The following BARD1 variants were observed in gnomAD, a reference collection of about 807,000 sequenced individuals.
BARD1 encodes the protein BRCA1-associated RING domain protein 1.
BARD1 carries 73 observed loss-of-function variants against 77.0 expected under a neutral mutation model. The observed-to-expected ratio is 0.95, with a 90% CI of 0.79 to 1.15. The LOEUF (loss-of-function observed/expected upper bound fraction) is 1.15, where lower values mean the gene tolerates loss of function less well. Among genes scored for constraint, BARD1 ranks in the 50% most tolerant of loss-of-function variants. The probability of loss-of-function intolerance (pLI) is 0.00; values close to 1 mark genes in which losing one functional copy is unlikely to be tolerated. For synonymous variants in BARD1, 384 were observed against 338.0 expected, an observed-to-expected ratio of 1.14 and a Z score of -1.49; for missense variants, 993 against 938.8, an observed-to-expected ratio of 1.06 and a Z score of -0.75.
At chr2:214,751,133 A>ACATTTTTTTTTTTTTTTTTTTTTTT (rs1693409109) in intron 7 of BARD1, among the ~76,000 whole-genome samples, 1 of 16,274 alleles carries the variant, frequency 6.1e-5, no homozygotes, top group Non-Finnish European at 1.6e-4. Flanking sequence ...ATATATATAT[A>ACATTTTTTTTTTTTTTTTTTTTTTT]TATATATATA....
At chr2:214,799,481 G>C (rs1292211130) in intron 1 of BARD1, among the ~76,000 whole-genome samples, 2 of 152,108 alleles carry the variant, frequency 1.3e-5, no homozygotes, top group Non-Finnish European at 2.9e-5. Context: ...ACTTAATGGT[G>C]TAAGTTTTTT....
chr2:214,747,165 C>T (rs1038779462), intron 7 of BARD1, among the ~76,000 whole-genome samples: 2 of 151,998 alleles, frequency 1.3e-5, no homozygotes, highest in African/African-American at 4.8e-5. Flanking sequence ...GATACCATCT[C>T]ACACTAGTTA....
chr2:214,735,778 T>A (rs1692541964), intron 9 of BARD1, among the ~76,000 whole-genome samples: 1 of 152,122 alleles, frequency 6.6e-6, no homozygotes, highest in Admixed American at 6.6e-5. Context: ...TCTAAGATGT[T>A]GTTTATTATA....
intron 1 of BARD1, among the ~76,000 whole-genome samples, chr2:214,800,327 A>G (rs1343981379): frequency 6.6e-6 from 1 of 152,206 alleles, no homozygotes; most frequent in Non-Finnish European, 1.5e-5. Context: ...AAGTATGTGC[A>G]CTTGTGTGTA....
intron 9 of BARD1, among the ~76,000 whole-genome samples, chr2:214,740,705 G>T (rs961611903): frequency 3.3e-5 from 5 of 151,858 alleles, no homozygotes; most frequent in African/African-American, 7.3e-5. Flanking sequence ...TCATATGTAG[G>T]TTATATTCTC....
At chr2:214,760,568 T>A (rs1021966934) in intron 6 of BARD1, among the ~76,000 whole-genome samples, 2 of 152,122 alleles carry the variant, frequency 1.3e-5, no homozygotes, top group Non-Finnish European at 2.9e-5. Flanking sequence ...CAAGCCTTCC[T>A]CTCTCCCAGT....
chr2:214,751,033 A>C (rs2106033165), intron 7 of BARD1, among the ~76,000 whole-genome samples: 1 of 148,138 alleles, frequency 6.8e-6, no homozygotes, highest in Non-Finnish European at 1.5e-5. Context: ...ACACTCTGCT[A>C]AAATGTTTAC....
intron 4 of BARD1, among the ~76,000 whole-genome samples, chr2:214,772,631 T>C (rs940570051): frequency 6.6e-6 from 1 of 152,190 alleles, no homozygotes; most frequent in Non-Finnish European, 1.5e-5. Flanking sequence ...ATTATCAAAG[T>C]GTCTTCTGTT....
At position 214,745,724 on chromosome 2, in the gene BARD1, G is replaced by T. The variant is rs730881421; in HGVS notation, c.1808C>A (p.Thr603Lys). ...KAKKYTEFDS[T>K]VTHVVVPGDA... ...CTCCCAAAATTCAAAATCCTCACCT[G>T]TACTGTCAAACTCAGTATATTTTTT... The change falls in exon 8 of 11, where the codon ACA becomes AAA. Residue 603 changes from threonine (T) to lysine (K), a missense_variant and splice_region_variant. By Grantham distance (78) the Thr-to-Lys change is moderately conservative (BLOSUM62 -1). Coordinates refer to ENST00000260947, the MANE Select transcript of BARD1 (RefSeq NM_000465.4). The T allele has an allele frequency of 8.1e-6, 13 of 1,613,840 alleles. No individual in the cohort carries two copies. The highest frequency in any genetic ancestry group is 1.0e-5 in the Non-Finnish European group (12 of 1,179,962).
At position 214,726,053 on chromosome 2, in the gene BARD1, T is replaced by TG. The variant is rs1692073221; in HGVS notation, c.*2622dup. On this transcript the variant is annotated 3_prime_UTR_variant, in exon 11 of 11. Coordinates refer to ENST00000260947, the MANE Select transcript of BARD1 (RefSeq NM_000465.4). ...AGGCAGGTGCAAAAAAAAAAAAAGG[T>TG]GGGGGGACCGATGAAATAAAGGAAA... 4.7e-6 allele frequency: 1 copy of TG among 211,934 alleles called. No homozygotes were observed. The highest frequency in any genetic ancestry group is 6.8e-5 in the East Asian group (1 of 14,680). 13.1% of individuals were successfully genotyped at this position (211,934 alleles called of 1,614,324 possible). A position where few individuals can be genotyped will look rare whatever the true frequency, so the allele number is the denominator to read the frequency against.
intron 4 of BARD1, among the ~76,000 whole-genome samples, chr2:214,773,838 T>C (rs561497955): frequency 2.3e-4 from 35 of 152,320 alleles, no homozygotes; most frequent in African/African-American, 7.9e-4. Context: ...TCATGAAAGA[T>C]TTATCTGTAG....
chr2:214,776,829 T>C (rs1415651776), intron 4 of BARD1, among the ~76,000 whole-genome samples: 1 of 152,166 alleles, frequency 6.6e-6, no homozygotes, highest in Non-Finnish European at 1.5e-5. Context: ...AATTTAATCG[T>C]ATGAATTCTT....
intron 9 of BARD1, chr2:214,731,056 C>A: frequency 6.3e-6 from 2 of 316,012 alleles, no homozygotes; most frequent in Non-Finnish European, 1.3e-5. Context: ...AATAAACAAG[C>A]AGAGCTTGGG....
At chr2:214,745,988 G>A in intron 7 of BARD1, 134 bp from the exon 8 acceptor site, 1 of 1,074,174 alleles carries the variant, frequency 9.3e-7, no homozygotes, top group East Asian at 2.4e-5. Context: ...TATTTCCATT[G>A]AATCTACACC....
At chr2:214,760,899 C>T (rs1248667822) in intron 6 of BARD1, among the ~76,000 whole-genome samples, 6 of 151,442 alleles carry the variant, frequency 4.0e-5, no homozygotes, top group African/African-American at 2.4e-5. Flanking sequence ...CTCAGCCTCC[C>T]GAGTAGCTGG....
chr2:214,791,856 A>C (rs1695527793), intron 3 of BARD1, among the ~76,000 whole-genome samples: 1 of 152,144 alleles, frequency 6.6e-6, no homozygotes, highest in African/African-American at 2.4e-5. Context: ...AGCAGCAAAA[A>C]AGTTCCTGGA....
intron 9 of BARD1, among the ~76,000 whole-genome samples, chr2:214,733,179 G>A (rs575465342): frequency 6.6e-5 from 10 of 152,168 alleles, no homozygotes; most frequent in Middle Eastern, 3.4e-3. Flanking sequence ...CTTCCACTTC[G>A]GCGCTCTTCC....
At chr2:214,760,906 C>G (rs1425680447) in intron 6 of BARD1, among the ~76,000 whole-genome samples, 1 of 151,344 alleles carries the variant, frequency 6.6e-6, no homozygotes, top group Non-Finnish European at 1.5e-5. Context: ...TCCCGAGTAG[C>G]TGGGACTACA....
chr2:214,769,148 G>A lies in BARD1; in HGVS notation c.1395+84C>T, dbSNP rs376233446. The A allele has an allele frequency of 6.6e-5, 75 of 1,129,098 alleles. No homozygotes were observed. In the East Asian group the frequency reaches 9.4e-4, roughly 14 times the overall value. 69.9% of individuals were successfully genotyped at this position (1,129,098 alleles called of 1,614,324 possible). On this transcript the variant is annotated intron_variant, in intron 5 of 10. Transcript: ENST00000260947. ...GACTAAAAAGAGTATATGTGGCAGA[G>A]GATGATATATAGACAACTACATAAC...
Sources: allele counts gnomAD v4.1 joint callset (sites outside exome capture counted in the v4.1 genomes callset), GRCh38; gene constraint gnomAD v4.1.1; transcripts MANE v1.5; gene names NCBI Gene and HGNC (gene_info 2026-07-23, HGNC 2026-07-21).